The following NALF1 variants were observed in gnomAD, a reference collection of about 807,000 sequenced individuals.
NALF1 encodes family with sequence similarity 155 member A.
In NALF1, 3 loss-of-function variants were observed where a neutral mutation model predicts 48.4. The ratio of observed to expected loss-of-function variants is 0.06; its 90% CI spans 0.03 to 0.16. The LOEUF is 0.16. Among genes scored for constraint, NALF1 ranks in the 10% least tolerant of loss-of-function variants. NALF1 has a pLI of 1.00. For synonymous variants in NALF1, 262 were observed against 245.7 expected (o/e 1.07, Z -0.62); for missense variants, 526 against 571.5 (o/e 0.92, Z 0.81).
intron 1 of NALF1, among the ~76,000 whole-genome samples, chr13:107,213,230 C>CAAAAAAAAAAAA (rs386380636): frequency 4.3e-4 from 44 of 103,336 alleles, no homozygotes; most frequent in African/African-American, 4.9e-4. Context: ...TTTTTTAACT[C>CAAAAAAAAAAAA]AAAAAAAAAA....
intron 1 of NALF1, among the ~76,000 whole-genome samples, chr13:107,666,967 A>G (rs536361222): frequency 4.6e-5 from 7 of 152,094 alleles, no homozygotes; most frequent in Non-Finnish European, 1.0e-4. Flanking sequence ...TCTTTTAGTG[A>G]AAAACAATTT....
intron 1 of NALF1, among the ~76,000 whole-genome samples, chr13:107,255,370 C>T (rs939658727): frequency 3.3e-5 from 5 of 151,988 alleles, no homozygotes; most frequent in Admixed American, 6.6e-5. Context: ...CTGAAATAAC[C>T]CCTTTTAAAT....
At chr13:107,698,381 A>C (rs1048363201) in intron 1 of NALF1, among the ~76,000 whole-genome samples, 1 of 152,092 alleles carries the variant, frequency 6.6e-6, no homozygotes, top group Non-Finnish European at 1.5e-5. Flanking sequence ...ATTCTAATCT[A>C]AGCTTTATTC....
rs192450653 is a variant in NALF1, at chr13:107,800,067, C to G, written c.915+65615G>C. 4.2e-3 allele frequency among the ~76,000 whole-genome samples: 641 copies of G among 152,222 alleles called. 2 individuals are homozygous for G. Among genetic ancestry groups the G allele is most frequent in the Non-Finnish European group, 6.2e-3 (422 of 68,010 alleles). On this transcript the variant is annotated intron_variant, in intron 1 of 2. Transcript: ENST00000375915. ...CTGAAGAACCAAACTATGCCTAATT[C>G]TTCTTTTGAAATCTCCGCACTTAAG... is the stretch of plus-strand genomic sequence containing the variant.
At chr13:107,453,205 C>T (rs1056548624) in intron 1 of NALF1, among the ~76,000 whole-genome samples, 1 of 152,144 alleles carries the variant, frequency 6.6e-6, no homozygotes, top group South Asian at 2.1e-4. Context: ...TAGTAGAGAC[C>T]CTCTGTGGGA....
intron 1 of NALF1, among the ~76,000 whole-genome samples, chr13:107,652,029 A>G (rs1880461198): frequency 6.6e-6 from 1 of 152,238 alleles, no homozygotes; most frequent in Admixed American, 6.5e-5. Flanking sequence ...GTTTAACTCT[A>G]TAAATAACTT....
chr13:107,465,786 A>G (rs1884992333), intron 1 of NALF1, among the ~76,000 whole-genome samples: 1 of 152,208 alleles, frequency 6.6e-6, no homozygotes, highest in Admixed American at 6.5e-5. Flanking sequence ...AGATTAAGGT[A>G]GCAGATTTTG....
At chr13:107,653,796 T>C (rs1248929850) in intron 1 of NALF1, among the ~76,000 whole-genome samples, 1 of 151,776 alleles carries the variant, frequency 6.6e-6, no homozygotes, top group African/African-American at 2.4e-5. Context: ...ACACACACAA[T>C]AACAGAAAGA....
intron 1 of NALF1, among the ~76,000 whole-genome samples, chr13:107,803,834 G>A (rs1460050535): frequency 6.6e-6 from 1 of 151,876 alleles, no homozygotes; most frequent in East Asian, 1.9e-4. Flanking sequence ...TTCAGAGGAG[G>A]CAGTGCCTTG....
At chr13:107,738,905 G>A (rs1038080411) in intron 1 of NALF1, among the ~76,000 whole-genome samples, 40 of 151,994 alleles carry the variant, frequency 2.6e-4, no homozygotes, top group Non-Finnish European at 4.3e-4. Flanking sequence ...CTCGTGATCC[G>A]CCTGCCTCTG....
At chr13:107,429,322 GA>G (rs11374947) in intron 1 of NALF1, among the ~76,000 whole-genome samples, 133 of 135,674 alleles carry the variant, frequency 9.8e-4, no homozygotes, top group East Asian at 1.9e-3. Flanking sequence ...AACTCAGTCT[GA>G]AAAAAAAAAA....
intron 1 of NALF1, among the ~76,000 whole-genome samples, chr13:107,835,812 A>G (rs1879872097): frequency 6.6e-6 from 1 of 152,178 alleles, no homozygotes; most frequent in Non-Finnish European, 1.5e-5. Flanking sequence ...TACTCATCAC[A>G]GAAACCCTCT....
chr13:107,181,574 T>C (rs1879062111), intron 2 of NALF1, among the ~76,000 whole-genome samples: 1 of 145,226 alleles, frequency 6.9e-6, no homozygotes, highest in Admixed American at 6.7e-5. Context: ...TTTAGAAAGT[T>C]TTTTTTTCAA....
intron 1 of NALF1, among the ~76,000 whole-genome samples, chr13:107,463,660 C>A (rs888274332): frequency 6.6e-6 from 1 of 152,060 alleles, no homozygotes; most frequent in Non-Finnish European, 1.5e-5. Flanking sequence ...TGATATATGA[C>A]AAAAGCCTTG....
At chr13:107,248,285 C>T (rs1041136929) in intron 1 of NALF1, among the ~76,000 whole-genome samples, 2 of 151,940 alleles carry the variant, frequency 1.3e-5, no homozygotes, top group Non-Finnish European at 2.9e-5. Flanking sequence ...TTTAGGCAAA[C>T]GCTTTCACTG....
intron 1 of NALF1, among the ~76,000 whole-genome samples, chr13:107,342,873 G>A (rs1594128841): frequency 6.6e-6 from 1 of 152,216 alleles, no homozygotes; most frequent in East Asian, 1.9e-4. Context: ...GCTCCCAAAT[G>A]TATGACGCAT....
At chr13:107,518,253 A>G (rs2139093828) in intron 1 of NALF1, among the ~76,000 whole-genome samples, 1 of 151,938 alleles carries the variant, frequency 6.6e-6, no homozygotes, top group South Asian at 2.1e-4. Flanking sequence ...ATAAGATCAA[A>G]TATTATATTC....
intron 2 of NALF1, among the ~76,000 whole-genome samples, chr13:107,197,604 T>A (rs1879420754): frequency 6.6e-6 from 1 of 152,248 alleles, no homozygotes. Flanking sequence ...CTCTCGTGTC[T>A]GCATTCTCCC....
intron 1 of NALF1, among the ~76,000 whole-genome samples, chr13:107,533,259 C>T (rs16970628): frequency 0.032 from 4,814 of 152,170 alleles, 187 homozygotes; most frequent in East Asian, 0.11. Flanking sequence ...GCTATAATTA[C>T]GTGAGTGTAG....
Sources: allele counts gnomAD v4.1 joint callset (sites outside exome capture counted in the v4.1 genomes callset), GRCh38; gene constraint gnomAD v4.1.1; transcripts MANE v1.5; gene names NCBI Gene and HGNC (gene_info 2026-07-23, HGNC 2026-07-21).